Variants in TJP2 observed in about 807,000 individuals in gnomAD.
TJP2 encodes tight junction protein 2, also known as Friedreich ataxia region gene X104 (tight junction protein ZO-2).
Under a neutral mutation model 133.1 loss-of-function variants are expected in TJP2, and 91 were observed. The ratio of observed to expected loss-of-function variants is 0.68; its 90% CI spans 0.58 to 0.81. TJP2 has a LOEUF of 0.81. TJP2 is among the 40% of genes least tolerant of loss of function. TJP2 has a pLI of 0.00. For synonymous variants in TJP2, 592 were observed against 583.4 expected (o/e 1.01, Z -0.21); for missense variants, 1,541 against 1,565.6 (o/e 0.98, Z 0.26).
In TJP2 at chr9:69,207,106, T is replaced by A. The variant is rs115605823; in HGVS notation, c.61-5442T>A. 6.2e-3 allele frequency among the ~76,000 whole-genome samples: 941 copies of A among 152,268 alleles called. 16 individuals carry two copies. The highest frequency in any genetic ancestry group is 0.018 in the African/African-American group (749 of 41,534). ...GTTTTTCATTTCCTTGCTTTTTCTT[T>A]ATATTTCCACTGCATGCGTGCGTAC... On this transcript the variant is annotated intron_variant, in intron 1 of 22. Coordinates refer to ENST00000377245, the MANE Select transcript of TJP2 (RefSeq NM_004817.4).
Position 69,251,076 on chromosome 9 carries a change from A to G in TJP2, c.3033A>G (p.Lys1011=). ...AAGAAGAATCCTATGACTTCTCCAA[A>G]TCCTATGAATATAAGTCAAACCCCT... is the stretch of plus-strand genomic sequence containing the variant. ...QNKEESYDFS[K]SYEYKSNPSA... is the part of the protein sequence containing the mutation. The change falls in exon 21 of 23, where the codon AAA becomes AAG. Residue 1011 remains lysine, a synonymous_variant. Coordinates refer to ENST00000377245, the MANE Select transcript of TJP2 (RefSeq NM_004817.4). 1 of 1,614,168 alleles carries G rather than the reference A, an allele frequency of 6.2e-7. No individual in the cohort carries two copies. The highest frequency in any genetic ancestry group is 1.1e-5 in the South Asian group (1 of 91,084).
intron 1 of TJP2, 87 bp from the exon 2 acceptor site, chr9:69,212,461 A>G: frequency 9.9e-7 from 1 of 1,009,756 alleles, no homozygotes; most frequent in Non-Finnish European, 1.6e-6. Context: ...GCTGGACTTT[A>G]TGTCGAGGCA....
chr9:69,177,446 G>A (rs1298024305), intron 1 of TJP2, among the ~76,000 whole-genome samples: 1 of 152,066 alleles, frequency 6.6e-6, no homozygotes, highest in Non-Finnish European at 1.5e-5. Flanking sequence ...GCTATTTAGG[G>A]CCTGTTTCTC....
At chr9:69,165,690 T>C (rs1244184022) in intron 2 of TJP2, among the ~76,000 whole-genome samples, 2 of 152,188 alleles carry the variant, frequency 1.3e-5, no homozygotes, top group Admixed American at 1.3e-4. Context: ...GTGGCTTTCA[T>C]ATATTCTGCA....
upstream of TJP2, among the ~76,000 whole-genome samples, chr9:69,170,037 C>T (rs1029560625): frequency 1.3e-5 from 2 of 152,016 alleles, no homozygotes; most frequent in Non-Finnish European, 2.9e-5. Context: ...TTTGTAGAGA[C>T]AGAATCTCAC....
intron 3 of TJP2, among the ~76,000 whole-genome samples, chr9:69,217,441 G>A (rs1470270404): frequency 6.6e-6 from 1 of 152,190 alleles, no homozygotes; most frequent in African/African-American, 2.4e-5. Flanking sequence ...AAGCACAGTG[G>A]CTCACGCCTA....
At position 69,199,580 on chromosome 9, in the gene TJP2, C is replaced by T. The variant is rs377407167; in HGVS notation, c.61-12968C>T. Among the ~76,000 whole-genome samples, 87 of 152,284 alleles carry T rather than the reference C, an allele frequency of 5.7e-4. No individual in the cohort carries two copies. In the East Asian group the frequency reaches 8.5e-3, roughly 15 times the overall value. The stretch of plus-strand genomic sequence containing the variant: ...CACGTACGCACGCACCAGAGGGAAA[C>T]ATCATGCAGAAAACCATTGGCCCAT... On this transcript the variant is annotated intron_variant, in intron 1 of 22. Transcript: ENST00000377245.
rs1474676685 is a variant in TJP2, at chr9:69,220,740, T to G, written c.343-147T>G. The G allele has an allele frequency of 8.2e-6, 6 of 731,458 alleles. No individual in the cohort carries two copies. In the African/African-American group the frequency reaches 1.0e-4, roughly 13 times the overall value. 45.3% of individuals were successfully genotyped at this position (731,458 alleles called of 1,614,324 possible). A position where few individuals can be genotyped will look rare whatever the true frequency, so the allele number is the denominator to read the frequency against. ...TATTCTAACCCTGTGAGATTTTTAT[T>G]GTCCGTTTCCGGATGAGGAACCTGA... On this transcript the variant is annotated intron_variant, in intron 4 of 22. Transcript: ENST00000377245.
At chr9:69,235,741 C>T (rs758420274) in intron 12 of TJP2, among the ~76,000 whole-genome samples, 6 of 152,170 alleles carry the variant, frequency 3.9e-5, no homozygotes, top group African/African-American at 9.7e-5. Flanking sequence ...CCCATTTATA[C>T]GTGACTGTCA....
chr9:69,248,499 G>C (rs908389977), intron 19 of TJP2: 8 of 1,306,076 alleles, frequency 6.1e-6, no homozygotes, highest in Admixed American at 3.5e-5. Flanking sequence ...TTTAGGTGCC[G>C]TCTGTCCAAA....
At position 69,221,235 on chromosome 9, in the gene TJP2, C is replaced by A; in HGVS notation, c.691C>A (p.Pro231Thr). Residue 231 changes from proline (P) to threonine (T), a missense_variant, in exon 5 of 23, where the codon CCA becomes ACA. Coordinates refer to ENST00000377245, the MANE Select transcript of TJP2 (RefSeq NM_004817.4). ...GCGGGGCCTGGACCACGACTTTGGG[C>A]CATCCCGGGACCGGGACCGTGACCG... is the stretch of plus-strand genomic sequence containing the variant. ...LERGLDHDFG[P>T]SRDRDRDRSR... 4 of 1,606,944 alleles carry A rather than the reference C, an allele frequency of 2.5e-6. No individual in the cohort carries two copies. Among genetic ancestry groups the A allele is most frequent in the Non-Finnish European group, 3.4e-6 (4 of 1,177,058 alleles).
chr9:69,188,125 T>G (rs3002381), intron 1 of TJP2, among the ~76,000 whole-genome samples: 11,927 of 152,206 alleles, frequency 0.078, 642 homozygotes, highest in Non-Finnish European at 0.12. Context: ...ATGTGTTAAG[T>G]GGAACTTCTG....
At chr9:69,227,416 A>G (rs1829433853) in intron 7 of TJP2, among the ~76,000 whole-genome samples, 1 of 152,180 alleles carries the variant, frequency 6.6e-6, no homozygotes, top group African/African-American at 2.4e-5. Flanking sequence ...TCCTAACAAG[A>G]TTTGTATGCA....
chr9:69,245,784 G>A (rs1019594221), intron 17 of TJP2, among the ~76,000 whole-genome samples: 9 of 152,340 alleles, frequency 5.9e-5, no homozygotes, highest in East Asian at 3.9e-4. Flanking sequence ...AAAGTAACTG[G>A]TTGATGCATA....
chr9:69,195,077 T>G (rs553062004), intron 1 of TJP2, among the ~76,000 whole-genome samples: 2 of 152,276 alleles, frequency 1.3e-5, no homozygotes, highest in Admixed American at 1.3e-4. Flanking sequence ...GGGCCAACCT[T>G]GATGGTGACA....
At chr9:69,122,295 C>G (rs1032503978) in intron 1 of TJP2, 5 of 152,272 alleles carry the variant, frequency 3.3e-5, no homozygotes, top group Admixed American at 3.3e-4. Flanking sequence ...GAGCGCGGCG[C>G]TGGTTATTGG....
At chr9:69,224,545 T>C (rs1829178912) in intron 5 of TJP2, among the ~76,000 whole-genome samples, 1 of 152,062 alleles carries the variant, frequency 6.6e-6, no homozygotes, top group Non-Finnish European at 1.5e-5. Flanking sequence ...GGCATGGTGG[T>C]GGGCACCTGT....
At chr9:69,196,946 T>TATACAC (rs1554778025) in intron 1 of TJP2, among the ~76,000 whole-genome samples, 3 of 134,170 alleles carry the variant, frequency 2.2e-5, no homozygotes, top group African/African-American at 8.2e-5. Context: ...TGTGTGTGTG[T>TATACAC]ACACACACAC....
In TJP2 at chr9:69,218,332, C is replaced by G; in HGVS notation, c.315C>G (p.Leu105=). 3 of 1,614,180 alleles carry G rather than the reference C, an allele frequency of 1.9e-6. No homozygotes were observed. Among genetic ancestry groups the G allele is most frequent in the Non-Finnish European group, 2.5e-6 (3 of 1,180,020 alleles). The stretch of plus-strand genomic sequence containing the variant: ...TTCATTCGTTTGCAGTTCAGCAGCT[C>G]AGAAAAAGTGGGAAGGTCGCTGCTA... ...DVLHSFAVQQ[L]RKSGKVAAIV... is the part of the protein sequence containing the mutation. The change falls in exon 4 of 23, where the codon CTC becomes CTG. Residue 105 remains leucine (L), a synonymous_variant. Transcript: ENST00000377245.
Sources: gnomAD v4.1 joint callset for allele counts (sites outside exome capture counted in the v4.1 genomes callset) on GRCh38, gnomAD v4.1.1 for gene constraint, MANE v1.5 for transcripts, NCBI Gene and HGNC (gene_info 2026-07-23, HGNC 2026-07-21) for gene names.